The following CEMIP2 variants were observed in gnomAD, a reference collection of about 807,000 sequenced individuals.
CEMIP2 encodes cell migration inducing hyaluronidase 2, also known as cell surface hyaluronidase CEMIP2.
In CEMIP2, 79 loss-of-function variants were observed where a neutral mutation model predicts 146.9. The ratio of observed to expected loss-of-function variants is 0.54; its 90% CI spans 0.45 to 0.65. The LOEUF is 0.65. Among genes scored for constraint, CEMIP2 ranks in the 30% least tolerant of loss-of-function variants. The pLI is 0.00. For synonymous variants in CEMIP2, 601 were observed against 606.3 expected, an observed-to-expected ratio of 0.99 and a Z score of 0.13; for missense variants, 1,596 against 1,696.2, an observed-to-expected ratio of 0.94 and a Z score of 1.04.
At chr9:71,766,500 C>T (rs7870422) in intron 1 of CEMIP2, among the ~76,000 whole-genome samples, 111,784 of 152,082 alleles carry the variant, frequency 0.74, 42,906 homozygotes, top group East Asian at 0.88. Context: ...TACCCTCCAG[C>T]TTGTCTTTTC....
chr9:71,764,282 A>G (rs1192634469), intron 1 of CEMIP2, among the ~76,000 whole-genome samples: 1 of 152,196 alleles, frequency 6.6e-6, no homozygotes, highest in Admixed American at 6.5e-5. Flanking sequence ...GTAGTAGGCA[A>G]TGAAAAAATA....
intron 5 of CEMIP2, among the ~76,000 whole-genome samples, chr9:71,738,926 A>G (rs1823837678): frequency 6.6e-6 from 1 of 152,188 alleles, no homozygotes; most frequent in African/African-American, 2.4e-5. Flanking sequence ...TTAAAGCCAG[A>G]AGGTTAGATG....
chr9:71,752,813 G>A (rs1824302172), intron 1 of CEMIP2, among the ~76,000 whole-genome samples: 1 of 152,088 alleles, frequency 6.6e-6, no homozygotes, highest in Non-Finnish European at 1.5e-5. Context: ...CAAACGACCT[G>A]GAAATTAATG....
At chr9:71,685,867 G>A (rs1330250429) in intron 22 of CEMIP2, 21 bp from the exon 23 acceptor site, 3 of 1,572,670 alleles carry the variant, frequency 1.9e-6, no homozygotes, top group Non-Finnish European at 2.6e-6. Context: ...AATTTAGAAA[G>A]TCAGAGCCAA....
At chr9:71,753,245 T>C (rs1384050197) in intron 1 of CEMIP2, among the ~76,000 whole-genome samples, 2 of 152,060 alleles carry the variant, frequency 1.3e-5, no homozygotes, top group Non-Finnish European at 2.9e-5. Context: ...TACCTTATTG[T>C]TTCAGGGTGA....
intron 22 of CEMIP2, among the ~76,000 whole-genome samples, chr9:71,687,873 A>T (rs1396989645): frequency 6.6e-6 from 1 of 151,996 alleles, no homozygotes; most frequent in East Asian, 1.9e-4. Context: ...TTGTTTTTTT[A>T]GAGATAGGGT....
chr9:71,750,214 G>T lies in CEMIP2; in HGVS notation c.160C>A (p.Arg54=), dbSNP rs764170402. 4 of 1,613,944 alleles carry T rather than the reference G, an allele frequency of 2.5e-6. No individual in the cohort carries two copies. Among genetic ancestry groups the T allele is most frequent in the Non-Finnish European group, 3.4e-6 (4 of 1,180,004 alleles). The change falls in exon 2 of 24, where the codon CGA becomes AGA. Residue 54 remains arginine (R), a synonymous_variant. Transcript: ENST00000377044. ...AATGCGAAGGTTGCCCGGTCTTCTC[G>T]TCTGATGGAGGTAAATTTGGCTGAA... ...QASAKFTSIR[R]EDRATFAFSP... is the part of the protein sequence containing the mutation.
At chr9:71,707,924 C>G (rs749348605) in intron 17 of CEMIP2, among the ~76,000 whole-genome samples, 2 of 152,298 alleles carry the variant, frequency 1.3e-5, no homozygotes, top group African/African-American at 2.4e-5. Context: ...CGGTGGCTCA[C>G]GCCTGTAATC....
At chr9:71,713,119 A>G (rs1822954772) in intron 15 of CEMIP2, among the ~76,000 whole-genome samples, 2 of 152,144 alleles carry the variant, frequency 1.3e-5, no homozygotes, top group Non-Finnish European at 2.9e-5. Context: ...AAGTTGTGAT[A>G]TGGTCTGGCT....
chr9:71,746,997 T>G lies in CEMIP2; in HGVS notation c.332-656A>C, dbSNP rs115579002. ...TTAGCAAGCTGAGTGATACGCAAGTTTCCCCTTTTAGAAAATGAGATTATT... is the reference window on the plus strand; with the variant it reads ...TTAGCAAGCTGAGTGATACGCAAGTGTCCCCTTTTAGAAAATGAGATTATT... On this transcript the variant is annotated intron_variant, in intron 2 of 23. Coordinates refer to ENST00000377044, the MANE Select transcript of CEMIP2 (RefSeq NM_013390.3). Among the ~76,000 whole-genome samples the G allele has an allele frequency of 4.7e-3, 719 of 152,350 alleles. 12 individuals carry two copies. Among genetic ancestry groups the G allele is most frequent in the African/African-American group, 0.016 (680 of 41,576 alleles).
chr9:71,712,289 C>G, intron 15 of CEMIP2, 29 bp from the exon 16 acceptor site: 1 of 1,606,388 alleles, frequency 6.2e-7, no homozygotes, highest in African/African-American at 1.3e-5. Flanking sequence ...TTGTTTAATG[C>G]ATATGGGCTG....
rs550185686 is a variant in CEMIP2 at position 71,727,535 on chromosome 9, T to G, written c.2050-1826A>C. On this transcript the variant is annotated intron_variant, in intron 10 of 23. Transcript: ENST00000377044. ...ATGTTTTTAAAGAAAATAACAGATA[T>G]GAGTTCAAACCATCACCCACTGATG... is the stretch of plus-strand genomic sequence containing the variant. 6.6e-5 allele frequency among the ~76,000 whole-genome samples: 10 copies of G among 152,348 alleles called. No individual in the cohort carries two copies. In the South Asian group the frequency reaches 8.3e-4, roughly 13 times the overall value.
At chr9:71,712,993 C>T (rs1589139080) in intron 15 of CEMIP2, among the ~76,000 whole-genome samples, 1 of 152,290 alleles carries the variant, frequency 6.6e-6, no homozygotes, top group South Asian at 2.1e-4. Context: ...CAATGTTTTA[C>T]AGCAAAAGCA....
intron 17 of CEMIP2, among the ~76,000 whole-genome samples, chr9:71,705,850 A>G (rs1822719227): frequency 6.6e-6 from 1 of 151,924 alleles, no homozygotes; most frequent in African/African-American, 2.4e-5. Flanking sequence ...CATACACTGC[A>G]TATCTGTCCC....
intron 2 of CEMIP2, among the ~76,000 whole-genome samples, chr9:71,747,698 C>G (rs1218324688): frequency 1.3e-5 from 2 of 152,076 alleles, no homozygotes; most frequent in African/African-American, 4.8e-5. Context: ...GCTACACAAA[C>G]ATATTGTTCT....
At chr9:71,732,660 A>G in intron 6 of CEMIP2, 140 bp from the exon 7 acceptor site, 1 of 562,720 alleles carries the variant, frequency 1.8e-6, no homozygotes, top group Non-Finnish European at 2.6e-6. Context: ...CTGACACTTC[A>G]GAATCAGAAT....
chr9:71,707,892 A>AT (rs1271814303), intron 17 of CEMIP2, among the ~76,000 whole-genome samples: 1 of 152,094 alleles, frequency 6.6e-6, no homozygotes, highest in African/African-American at 2.4e-5. Flanking sequence ...CTGACAGTCT[A>AT]TTATTAAATC....
intron 1 of CEMIP2, among the ~76,000 whole-genome samples, chr9:71,750,994 A>C (rs1247069834): frequency 6.6e-6 from 1 of 152,120 alleles, no homozygotes; most frequent in Non-Finnish European, 1.5e-5. Flanking sequence ...TGATTCTTCC[A>C]CCTCAGCCTT....
chr9:71,711,767 T>C (rs1157557995), intron 16 of CEMIP2, among the ~76,000 whole-genome samples: 2 of 152,178 alleles, frequency 1.3e-5, no homozygotes, highest in African/African-American at 2.4e-5. Flanking sequence ...CCAACCAGCG[T>C]ATTTCACTGA....
Sources: allele counts gnomAD v4.1 joint callset (sites outside exome capture counted in the v4.1 genomes callset), GRCh38; gene constraint gnomAD v4.1.1; transcripts MANE v1.5; gene names NCBI Gene and HGNC (gene_info 2026-07-23, HGNC 2026-07-21).